FRMD4A: variants seen among roughly 807,000 people sequenced by gnomAD.
FRMD4A encodes FERM domain-containing protein 4A.
A neutral mutation model predicts 129.1 loss-of-function variants in FRMD4A; 29 were observed. The ratio of observed to expected loss-of-function variants is 0.22; its 90% CI spans 0.17 to 0.31. FRMD4A has a LOEUF of 0.31. FRMD4A is among the 10% of genes least tolerant of loss of function. The pLI is 1.00. For synonymous variants in FRMD4A, 634 were observed against 571.6 expected (o/e 1.11, Z -1.56); for missense variants, 1,272 against 1,375.8 (o/e 0.92, Z 1.19).
intron 2 of FRMD4A, among the ~76,000 whole-genome samples, chr10:14,115,732 GC>G (rs1489360598): frequency 5.3e-5 from 8 of 152,118 alleles, no homozygotes; most frequent in Admixed American, 2.0e-4. Flanking sequence ...TGACATCCCT[GC>G]CCCCTCTCCA....
chr10:14,306,012 T>C (rs1846338894), intron 2 of FRMD4A, among the ~76,000 whole-genome samples: 2 of 152,116 alleles, frequency 1.3e-5, no homozygotes, highest in Non-Finnish European at 2.9e-5. Context: ...TCAGGAAGAA[T>C]AGCTCATGGA....
chr10:14,312,716 A>C lies in FRMD4A; in HGVS notation c.45+17342T>G, dbSNP rs1846595845. On this transcript the variant is annotated intron_variant, in intron 2 of 24. Coordinates refer to ENST00000357447, the MANE Select transcript of FRMD4A (RefSeq NM_018027.5). ...CCATTCTATAAAAAAAATACAAAAAATTAGCCAGGTGTGGTGGTGGGCACC... is the reference window on the plus strand; with the variant it reads ...CCATTCTATAAAAAAAATACAAAAACTTAGCCAGGTGTGGTGGTGGGCACC... 4.6e-5 allele frequency among the ~76,000 whole-genome samples: 7 copies of C among 152,320 alleles called. No homozygotes were observed. In the South Asian group the frequency reaches 1.5e-3, roughly 32 times the overall value.
At chr10:14,089,655 C>CAAAAAAAAAAAAAAAA (rs1836543152) in intron 2 of FRMD4A, among the ~76,000 whole-genome samples, 1 of 105,064 alleles carries the variant, frequency 9.5e-6, no homozygotes, top group Admixed American at 9.6e-5. Context: ...AAAAAAAAAA[C>CAAAAAAAAAAAAAAAA]AGAAGAAAGA....
In FRMD4A at chr10:14,014,665, A is replaced by G. The variant is rs1450141735; in HGVS notation, c.46-155753T>C. ...CATGAAACCCAATATCCGTAAGAACAGGACCAAGACATCAAGCAACACTCC... is the reference window on the plus strand; with the variant it reads ...CATGAAACCCAATATCCGTAAGAACGGGACCAAGACATCAAGCAACACTCC... On this transcript the variant is annotated intron_variant, in intron 2 of 24. Transcript: ENST00000357447. Among the ~76,000 whole-genome samples, 4 of 152,348 alleles carry G rather than the reference A, an allele frequency of 2.6e-5. No homozygotes were observed. The East Asian group carries it at 7.7e-4, about 29-fold the overall frequency.
At chr10:13,747,685 C>T in intron 9 of FRMD4A, 51 bp downstream of exon 9, 1 of 973,184 alleles carries the variant, frequency 1.0e-6, no homozygotes, top group Non-Finnish European at 1.7e-6. Flanking sequence ...TCCTGTGTCC[C>T]CTCGCACCCC....
At chr10:13,886,114 G>A (rs561140926) in intron 2 of FRMD4A, among the ~76,000 whole-genome samples, 1 of 152,116 alleles carries the variant, frequency 6.6e-6, no homozygotes, top group Non-Finnish European at 1.5e-5. Flanking sequence ...GGCATGTGGC[G>A]AGAGCGTAAT....
At chr10:14,253,624 C>T (rs1036238059) in intron 2 of FRMD4A, among the ~76,000 whole-genome samples, 2 of 152,204 alleles carry the variant, frequency 1.3e-5, no homozygotes, top group African/African-American at 2.4e-5. Flanking sequence ...TTCAATTGCT[C>T]ATTCACTTAA....
At chr10:13,953,855 C>A (rs1439079630) in intron 2 of FRMD4A, among the ~76,000 whole-genome samples, 1 of 152,074 alleles carries the variant, frequency 6.6e-6, no homozygotes, top group East Asian at 1.9e-4. Context: ...TGGAAGGGAC[C>A]CCCTCAAGGA....
intron 2 of FRMD4A, among the ~76,000 whole-genome samples, chr10:14,191,520 G>A (rs535202813): frequency 2.3e-3 from 348 of 152,222 alleles, no homozygotes; most frequent in African/African-American, 7.6e-3. Context: ...ACAATCGACC[G>A]CTCCCCTCTG....
chr10:13,966,776 C>T (rs2131373522), intron 2 of FRMD4A, among the ~76,000 whole-genome samples: 1 of 152,352 alleles, frequency 6.6e-6, no homozygotes, highest in East Asian at 1.9e-4. Context: ...CTTGCACACG[C>T]ATGTTTATAG....
At chr10:13,855,921 G>C (rs2094205505) in intron 3 of FRMD4A, among the ~76,000 whole-genome samples, 1 of 151,868 alleles carries the variant, frequency 6.6e-6, no homozygotes, top group African/African-American at 2.4e-5. Context: ...GTTTCTCCAA[G>C]TTTTGCTAAA....
intron 9 of FRMD4A, among the ~76,000 whole-genome samples, chr10:13,747,088 A>T (rs2091329446): frequency 6.6e-6 from 1 of 152,138 alleles, no homozygotes. Flanking sequence ...CAGGTGTTCC[A>T]AAATGAAACT....
intron 2 of FRMD4A, among the ~76,000 whole-genome samples, chr10:13,943,249 C>T (rs1035554250): frequency 1.3e-5 from 2 of 152,178 alleles, no homozygotes; most frequent in African/African-American, 4.8e-5. Context: ...GCCTCTCCAC[C>T]AGCAACGGTG....
intron 2 of FRMD4A, among the ~76,000 whole-genome samples, chr10:14,034,367 G>A (rs760798448): frequency 6.6e-6 from 1 of 152,140 alleles, no homozygotes; most frequent in South Asian, 2.1e-4. Flanking sequence ...ACTATTGCTG[G>A]ATCCTTGAGC....
intron 2 of FRMD4A, among the ~76,000 whole-genome samples, chr10:14,098,120 A>G (rs1292798187): frequency 7.0e-6 from 1 of 142,472 alleles, no homozygotes; most frequent in Non-Finnish European, 1.5e-5. Flanking sequence ...ATTTATATAT[A>G]TTATATAAAA....
intron 2 of FRMD4A, among the ~76,000 whole-genome samples, chr10:14,254,923 C>T (rs560634665): frequency 1.5e-4 from 23 of 152,194 alleles, no homozygotes; most frequent in African/African-American, 4.1e-4. Flanking sequence ...AGGGAGAATT[C>T]CAGTCAATCA....
In FRMD4A at chr10:13,657,162, A is replaced by G. The variant is rs12782083; in HGVS notation, c.2427T>C (p.Gly809=). ...CCCCCGCGCCCCCCGCGCCCCCCGC[A>G]CCCCCGCGCGCCGCCAGGTTGGGCA... ...GSMPNLAARG[G]AGGAGGAGGG... Residue 809 remains glycine, a synonymous_variant, in exon 22 of 25, where the codon GGT becomes GGC. Transcript: ENST00000357447. 9.1e-6 allele frequency: 9 copies of G among 987,548 alleles called. No homozygotes were observed. The highest frequency in any genetic ancestry group is 5.5e-5 in the East Asian group (1 of 18,198). 61.2% of individuals were successfully genotyped at this position (987,548 alleles called of 1,614,324 possible).
chr10:13,693,667 T>C, intron 15 of FRMD4A: 1 of 650,600 alleles, frequency 1.5e-6, no homozygotes, highest in Non-Finnish European at 2.7e-6. Flanking sequence ...CTTCTTGCAC[T>C]GCGTGGTTCT....
rs544096050 is a variant in FRMD4A, at chr10:14,154,092, T to C, written c.45+175966A>G. 3.3e-4 allele frequency among the ~76,000 whole-genome samples: 51 copies of C among 152,278 alleles called. No homozygotes were observed. The South Asian group carries it at 1.0e-2, about 30-fold the overall frequency. ...CTTAAACCATCTGTGTTTGAAATAC[T>C]TGACTGGAAAGTATCTGGCAGTGAC... On this transcript the variant is annotated intron_variant, in intron 2 of 24. Coordinates refer to ENST00000357447, the MANE Select transcript of FRMD4A (RefSeq NM_018027.5).
Sources: gnomAD v4.1 joint callset for allele counts (sites outside exome capture counted in the v4.1 genomes callset) on GRCh38, gnomAD v4.1.1 for gene constraint, MANE v1.5 for transcripts, NCBI Gene and HGNC (gene_info 2026-07-23, HGNC 2026-07-21) for gene names.